Variants in TMEM132C observed in about 807,000 individuals in gnomAD.
The protein encoded by TMEM132C is transmembrane protein 132C, also known as protein phosphatase 1, regulatory subunit 152.
In TMEM132C, 29 loss-of-function variants were observed where a neutral mutation model predicts 61.4. The observed-to-expected ratio is 0.47, with a 90% CI of 0.35 to 0.64. The LOEUF (loss-of-function observed/expected upper bound fraction) is 0.64, where lower values mean the gene tolerates loss of function less well. Among genes scored for constraint, TMEM132C ranks in the 30% least tolerant of loss-of-function variants. The probability of loss-of-function intolerance (pLI) is 0.00; values close to 1 mark genes in which losing one functional copy is unlikely to be tolerated. For synonymous variants in TMEM132C, 656 were observed against 633.1 expected, an observed-to-expected ratio of 1.04 and a Z score of -0.54; for missense variants, 1,408 against 1,476.9, an observed-to-expected ratio of 0.95 and a Z score of 0.76.
At position 128,423,943 on chromosome 12, in the gene TMEM132C, G is replaced by GA. The variant is rs558589035; in HGVS notation, c.974+8323_974+8324insA. On this transcript the variant is annotated intron_variant, in intron 2 of 8. Transcript: ENST00000435159. Reference sequence around the variant, plus strand: ...TACCTGTAGTCCCAGCTACTTGGGGGTGCTGAGGCAGGAGAATGGCATGAA... The same window carrying GA: ...TACCTGTAGTCCCAGCTACTTGGGGGATGCTGAGGCAGGAGAATGGCATGAA... 1.1e-4 allele frequency among the ~76,000 whole-genome samples: 16 copies of GA among 150,658 alleles called. No homozygotes were observed. The East Asian group carries it at 1.8e-3, about 17-fold the overall frequency.
chr12:128,315,334 C>T (rs930136707), intron 1 of TMEM132C, among the ~76,000 whole-genome samples: 1 of 152,012 alleles, frequency 6.6e-6, no homozygotes. Flanking sequence ...TTGCTAAATG[C>T]GCATAATATT....
chr12:128,413,815 G>T (rs1868654626), intron 1 of TMEM132C, among the ~76,000 whole-genome samples: 1 of 151,896 alleles, frequency 6.6e-6, no homozygotes, highest in Admixed American at 6.6e-5. Context: ...TTTTCCTTTT[G>T]ACTTTATTTA....
chr12:128,363,927 A>T (rs933645581), intron 1 of TMEM132C, among the ~76,000 whole-genome samples: 35 of 151,646 alleles, frequency 2.3e-4, no homozygotes, highest in African/African-American at 8.5e-4. Context: ...ATATTTGCAT[A>T]TTCCAATAAC....
At chr12:128,542,561 C>T (rs527959610) in intron 2 of TMEM132C, among the ~76,000 whole-genome samples, 48 of 152,260 alleles carry the variant, frequency 3.2e-4, no homozygotes, top group African/African-American at 1.1e-3. Flanking sequence ...CCAGCTCAGC[C>T]TCCTAAACTG....
intron 2 of TMEM132C, among the ~76,000 whole-genome samples, chr12:128,512,044 C>T (rs781640277): frequency 3.3e-5 from 5 of 152,158 alleles, no homozygotes; most frequent in African/African-American, 7.2e-5. Flanking sequence ...CCTCGAGCTC[C>T]GCCCCTGTCG....
At chr12:128,430,352 G>A (rs905143986) in intron 2 of TMEM132C, among the ~76,000 whole-genome samples, 1 of 152,148 alleles carries the variant, frequency 6.6e-6, no homozygotes, top group Non-Finnish European at 1.5e-5. Context: ...TGCAGACCAG[G>A]CCTGAATAAT....
intron 1 of TMEM132C, among the ~76,000 whole-genome samples, chr12:128,351,230 C>G (rs1037883101): frequency 6.6e-6 from 1 of 151,992 alleles, no homozygotes; most frequent in Non-Finnish European, 1.5e-5. Context: ...TGACCTGGTT[C>G]ATTTTTTTAA....
chr12:128,441,674 C>G (rs1869791202), intron 2 of TMEM132C, among the ~76,000 whole-genome samples: 1 of 152,132 alleles, frequency 6.6e-6, no homozygotes, highest in Non-Finnish European at 1.5e-5. Context: ...TTTCCAGGAA[C>G]TGGTGTTGGA....
At chr12:128,385,083 G>A (rs551260778) in intron 1 of TMEM132C, among the ~76,000 whole-genome samples, 1 of 152,314 alleles carries the variant, frequency 6.6e-6, no homozygotes, top group East Asian at 1.9e-4. Context: ...AGCGTGATGA[G>A]AAGAGCTCGG....
intron 1 of TMEM132C, among the ~76,000 whole-genome samples, chr12:128,273,356 G>A (rs1010257341): frequency 6.6e-6 from 1 of 151,904 alleles, no homozygotes; most frequent in Non-Finnish European, 1.5e-5. Context: ...TATTAATATA[G>A]CCACCTCAGC....
intron 1 of TMEM132C, among the ~76,000 whole-genome samples, chr12:128,395,155 A>G (rs999780686): frequency 1.3e-5 from 2 of 150,696 alleles, no homozygotes; most frequent in East Asian, 3.9e-4. Context: ...AAATTTATTA[A>G]TATTTTATGG....
intron 2 of TMEM132C, among the ~76,000 whole-genome samples, chr12:128,527,024 A>T (rs1292322996): frequency 6.6e-6 from 1 of 152,088 alleles, no homozygotes; most frequent in Admixed American, 6.6e-5. Context: ...TAATCCATGC[A>T]CCTCACTGCC....
At chr12:128,338,777 T>TATATATATATA (rs1565905368) in intron 1 of TMEM132C, among the ~76,000 whole-genome samples, 2 of 149,158 alleles carry the variant, frequency 1.3e-5, no homozygotes, top group African/African-American at 5.1e-5. Flanking sequence ...TATATATATA[T>TATATATATATA]TTTGCACAAA....
chr12:128,705,189 G>A lies in TMEM132C; in HGVS notation c.2221G>A (p.Asp741Asn), dbSNP rs1330537209. ...CTTCTCCCTGGCAGCCACCTCCCAG[G>A]ACGAGGCTGTCGTGTCAGTCCCCCA... The part of the protein sequence containing the change: ...KDFSLAATSQ[D>N]EAVVSVPQPR... Residue 741 changes from aspartate (D) to asparagine (N), a missense_variant, in exon 9 of 9, where the codon GAC (aspartate) becomes AAC (asparagine). Transcript: ENST00000435159. 2 of 1,551,726 alleles carry A rather than the reference G, an allele frequency of 1.3e-6. No homozygotes were observed. The highest frequency in any genetic ancestry group is 1.7e-6 in the Non-Finnish European group (2 of 1,146,996).
chr12:128,602,350 C>A (rs958580579), intron 3 of TMEM132C, among the ~76,000 whole-genome samples: 1 of 152,268 alleles, frequency 6.6e-6, no homozygotes, highest in Non-Finnish European at 1.5e-5. Flanking sequence ...TCCCCACATT[C>A]TATCTGGTGG....
At chr12:128,504,224 A>G (rs1389891965) in intron 2 of TMEM132C, among the ~76,000 whole-genome samples, 1 of 152,136 alleles carries the variant, frequency 6.6e-6, no homozygotes, top group African/African-American at 2.4e-5. Context: ...ATAACCATTG[A>G]TGACCCAGCC....
intron 2 of TMEM132C, among the ~76,000 whole-genome samples, chr12:128,453,694 T>A (rs1376347233): frequency 6.6e-6 from 1 of 152,204 alleles, no homozygotes; most frequent in Non-Finnish European, 1.5e-5. Context: ...AACCAGCGCA[T>A]GCAGGTTGGA....
chr12:128,575,810 G>T (rs776104059), intron 3 of TMEM132C, among the ~76,000 whole-genome samples: 14 of 152,234 alleles, frequency 9.2e-5, no homozygotes, highest in Admixed American at 2.0e-4. Flanking sequence ...TAACAGGAAA[G>T]ATGTGTTCCA....
intron 1 of TMEM132C, among the ~76,000 whole-genome samples, chr12:128,372,452 A>G (rs1482659098): frequency 6.6e-6 from 1 of 152,232 alleles, no homozygotes; most frequent in Non-Finnish European, 1.5e-5. Context: ...ACAAGATGAA[A>G]TAAACGTAAG....
Sources: gnomAD v4.1 joint callset for allele counts (sites outside exome capture counted in the v4.1 genomes callset) on GRCh38, gnomAD v4.1.1 for gene constraint, MANE v1.5 for transcripts, NCBI Gene and HGNC (gene_info 2026-07-23, HGNC 2026-07-21) for gene names.